The following KCND2 variants were observed in gnomAD, a reference collection of about 807,000 sequenced individuals.
KCND2 encodes the protein A-type voltage-gated potassium channel KCND2.
A neutral mutation model predicts 54.4 loss-of-function variants in KCND2; 16 were observed. The observed-to-expected ratio is 0.29, with a 90% CI of 0.20 to 0.45. The LOEUF (loss-of-function observed/expected upper bound fraction) is 0.45. Ranked by LOEUF, KCND2 falls within the 20% of genes least tolerant of loss-of-function variation. The pLI is 1.00. For missense variants in KCND2, 486 were observed against 824.2 expected, an observed-to-expected ratio of 0.59 and a Z score of 5.02; for synonymous variants, 317 against 310.7, an observed-to-expected ratio of 1.02 and a Z score of -0.21.
chr7:120,619,266 C>CA (rs1793068006), intron 1 of KCND2, among the ~76,000 whole-genome samples: 1 of 152,062 alleles, frequency 6.6e-6, no homozygotes, highest in Non-Finnish European at 1.5e-5. Context: ...TCCATCTCTA[C>CA]AAAAAATACA....
chr7:120,541,673 C>T (rs1162623788), intron 1 of KCND2, among the ~76,000 whole-genome samples: 1 of 151,882 alleles, frequency 6.6e-6, no homozygotes, highest in African/African-American at 2.4e-5. Context: ...TTTTTGGCTG[C>T]ATGTCTGGAA....
intron 1 of KCND2, among the ~76,000 whole-genome samples, chr7:120,556,625 C>T (rs140437278): frequency 6.6e-6 from 1 of 152,220 alleles, no homozygotes; most frequent in East Asian, 1.9e-4. Flanking sequence ...TAGTGCTTTA[C>T]TCACTATGAC....
chr7:120,691,155 G>A (rs1400607531), intron 1 of KCND2, among the ~76,000 whole-genome samples: 1 of 152,206 alleles, frequency 6.6e-6, no homozygotes, highest in Admixed American at 6.5e-5. Context: ...ATGGCCTTGT[G>A]GACCATCCCA....
intron 1 of KCND2, among the ~76,000 whole-genome samples, chr7:120,285,379 A>G (rs1799324537): frequency 6.6e-6 from 1 of 151,868 alleles, no homozygotes; most frequent in South Asian, 2.1e-4. Context: ...GTTTTCAGAT[A>G]CTTTATTATA....
intron 1 of KCND2, among the ~76,000 whole-genome samples, chr7:120,451,111 T>A (rs1350795134): frequency 6.6e-6 from 1 of 152,188 alleles, no homozygotes; most frequent in East Asian, 1.9e-4. Flanking sequence ...CCATTTGGTA[T>A]TTGAAGTAGG....
At chr7:120,484,124 G>T (rs1009803788) in intron 1 of KCND2, among the ~76,000 whole-genome samples, 3 of 152,140 alleles carry the variant, frequency 2.0e-5, no homozygotes, top group Admixed American at 6.5e-5. Flanking sequence ...GGAGAGGTGA[G>T]ATTTAAGTGT....
chr7:120,537,582 C>A (rs1023626951), intron 1 of KCND2, among the ~76,000 whole-genome samples: 2 of 152,208 alleles, frequency 1.3e-5, no homozygotes, highest in African/African-American at 4.8e-5. Context: ...AAGGTTGTTT[C>A]ATTTACATAG....
intron 1 of KCND2, among the ~76,000 whole-genome samples, chr7:120,496,508 T>C (rs918488247): frequency 1.3e-5 from 2 of 152,070 alleles, no homozygotes; most frequent in Non-Finnish European, 2.9e-5. Flanking sequence ...CACTGTAAGC[T>C]CCGCCTCCCA....
Position 120,523,040 on chromosome 7 carries a change from G to A in KCND2, c.1116-209863G>A, listed in dbSNP as rs148188186. On this transcript the variant is annotated intron_variant, in intron 1 of 5. Coordinates refer to ENST00000331113, the MANE Select transcript of KCND2 (RefSeq NM_012281.3). ...AGACACAGAGCCCATGTAGGTGAAC[G>A]ATACAGATGAGGTGGGCAAGTGTTT... is the stretch of plus-strand genomic sequence containing the variant. 7.9e-3 allele frequency among the ~76,000 whole-genome samples: 1,210 copies of A among 152,202 alleles called. 19 individuals are homozygous for A. Among genetic ancestry groups the A allele is most frequent in the African/African-American group, 0.028 (1,154 of 41,528 alleles).
intron 1 of KCND2, among the ~76,000 whole-genome samples, chr7:120,579,601 AAAATAAATAAATAAATAAATAAAT>A (rs369944416): frequency 5.0e-5 from 7 of 140,328 alleles, no homozygotes; most frequent in Non-Finnish European, 9.2e-5. Flanking sequence ...ACTCTGTCTA[AAAATAAATAAATAAATAAATAAAT>A]AAATAAATAA....
chr7:120,371,653 A>C (rs1800767635), intron 1 of KCND2, among the ~76,000 whole-genome samples: 2 of 152,034 alleles, frequency 1.3e-5, no homozygotes, highest in Non-Finnish European at 2.9e-5. Flanking sequence ...CATTCATGGT[A>C]GATATTTTAT....
chr7:120,706,147 G>T (rs1237846846), intron 1 of KCND2, among the ~76,000 whole-genome samples: 3 of 152,168 alleles, frequency 2.0e-5, no homozygotes, highest in Non-Finnish European at 4.4e-5. Context: ...CACACAAAAT[G>T]CTTGTTACCC....
In KCND2 at chr7:120,650,592, T is replaced by A. The variant is rs1468572504; in HGVS notation, c.1116-82311T>A. 2.1e-5 allele frequency among the ~76,000 whole-genome samples: 3 copies of A among 143,872 alleles called. 1 individual carries two copies. 94.4% of individuals were successfully genotyped at this position (143,872 alleles called of 152,430 possible). On this transcript the variant is annotated intron_variant, in intron 1 of 5. Coordinates refer to ENST00000331113, the MANE Select transcript of KCND2 (RefSeq NM_012281.3). Reference sequence around the variant, plus strand: ...CCTTTAGCTCGGAGAAGTTTGATCGTCTGAAGCCTTCTTCTCCCGACTCGT... The same window carrying A: ...CCTTTAGCTCGGAGAAGTTTGATCGACTGAAGCCTTCTTCTCCCGACTCGT...
chr7:120,410,504 T>G lies in KCND2; in HGVS notation c.1115+134757T>G, dbSNP rs183202894. Reference sequence around the variant, plus strand: ...ATCTTCATAATAGTGTGTCGTCTAATCCACGAATATGGTATATCTCTACAT... The same window carrying G: ...ATCTTCATAATAGTGTGTCGTCTAAGCCACGAATATGGTATATCTCTACAT... On this transcript the variant is annotated intron_variant, in intron 1 of 5. Transcript: ENST00000331113. Among the ~76,000 whole-genome samples, 43 of 152,060 alleles carry G rather than the reference T, an allele frequency of 2.8e-4. No homozygotes were observed. In the East Asian group the frequency reaches 7.9e-3, roughly 28 times the overall value.
At chr7:120,340,652 T>G (rs1049287207) in intron 1 of KCND2, among the ~76,000 whole-genome samples, 4 of 152,164 alleles carry the variant, frequency 2.6e-5, no homozygotes, top group African/African-American at 4.8e-5. Flanking sequence ...TGGTAAGAAT[T>G]GAAAAGATGG....
At chr7:120,336,178 T>G (rs1446122408) in intron 1 of KCND2, among the ~76,000 whole-genome samples, 1 of 152,180 alleles carries the variant, frequency 6.6e-6, no homozygotes, top group African/African-American at 2.4e-5. Context: ...TAGAATTTAT[T>G]TAAGGGCAAT....
At chr7:120,615,777 A>G (rs1055380317) in intron 1 of KCND2, among the ~76,000 whole-genome samples, 1 of 152,218 alleles carries the variant, frequency 6.6e-6, no homozygotes, top group African/African-American at 2.4e-5. Context: ...ATTGTATGAA[A>G]AAATAGGAGA....
chr7:120,338,407 T>C (rs1490505046), intron 1 of KCND2, among the ~76,000 whole-genome samples: 1 of 152,120 alleles, frequency 6.6e-6, no homozygotes, highest in Admixed American at 6.5e-5. Flanking sequence ...TTCATTCTTT[T>C]TTAAGGGCTT....
At chr7:120,626,263 T>G (rs1236309015) in intron 1 of KCND2, among the ~76,000 whole-genome samples, 1 of 152,182 alleles carries the variant, frequency 6.6e-6, no homozygotes, top group African/African-American at 2.4e-5. Context: ...TAAAAGTATT[T>G]ATTCAAAACC....
Sources: allele counts gnomAD v4.1 joint callset (sites outside exome capture counted in the v4.1 genomes callset), GRCh38; gene constraint gnomAD v4.1.1; transcripts MANE v1.5; gene names NCBI Gene and HGNC (gene_info 2026-07-23, HGNC 2026-07-21).